The following B3GALT1 variants were observed in gnomAD, a reference collection of about 807,000 sequenced individuals.
The protein encoded by B3GALT1 is beta-1,3-galactosyltransferase 1, also known as UDP-Gal:betaGlcNAc beta 1,3-galactosyltransferase, polypeptide 1.
B3GALT1 carries 10 observed loss-of-function variants against 23.2 expected under a neutral mutation model. The observed-to-expected ratio is 0.43, with a 90% CI of 0.27 to 0.73. The LOEUF (loss-of-function observed/expected upper bound fraction) is 0.73, where lower values mean the gene tolerates loss of function less well. Ranked by LOEUF, B3GALT1 falls within the 30% of genes least tolerant of loss-of-function variation. B3GALT1 has a pLI of 0.21. For synonymous variants in B3GALT1, 156 were observed against 141.5 expected (o/e 1.10, Z -0.73); for missense variants, 299 against 405.4 (o/e 0.74, Z 2.25).
At chr2:167,306,886 T>G (rs1260886372) in intron 1 of B3GALT1, among the ~76,000 whole-genome samples, 1 of 152,012 alleles carries the variant, frequency 6.6e-6, no homozygotes, top group Admixed American at 6.6e-5. Context: ...CTAAGCCTCA[T>G]GGTTACTATT....
Position 167,565,693 on chromosome 2 carries a change from G to A in B3GALT1, c.-410+75416G>A, listed in dbSNP as rs537821129. 3.3e-4 allele frequency among the ~76,000 whole-genome samples: 50 copies of A among 152,244 alleles called. 2 individuals are homozygous for A. The South Asian group carries it at 6.4e-3, about 20-fold the overall frequency. On this transcript the variant is annotated intron_variant, in intron 2 of 4. Transcript: ENST00000392690. ...ACAACCCCATCAAAAAGTGGGCAAG[G>A]ATATGAAGACACTTCTCACAAGAAG...
In B3GALT1 at chr2:167,426,661, T is replaced by C. The variant is rs76119363; in HGVS notation, c.-510-63516T>C. Among the ~76,000 whole-genome samples the C allele has an allele frequency of 7.5e-4, 114 of 152,270 alleles. 1 individual carries two copies. In the East Asian group the frequency reaches 0.018, roughly 24 times the overall value. On this transcript the variant is annotated intron_variant, in intron 1 of 4. Coordinates refer to ENST00000392690, the MANE Select transcript of B3GALT1 (RefSeq NM_020981.4). ...GGAACATAGACAGTCCTAGTAATTATTAAATAAGTAGATGGATAAATAAAT... is the reference window on the plus strand; with the variant it reads ...GGAACATAGACAGTCCTAGTAATTACTAAATAAGTAGATGGATAAATAAAT...
chr2:167,464,400 ATTG>A (rs1699313846), intron 1 of B3GALT1, among the ~76,000 whole-genome samples: 1 of 152,320 alleles, frequency 6.6e-6, no homozygotes, highest in South Asian at 2.1e-4. Flanking sequence ...AGAAGTTAAA[ATTG>A]TTGTTTGCTA....
chr2:167,439,551 A>C (rs1698844577), intron 1 of B3GALT1, among the ~76,000 whole-genome samples: 1 of 149,580 alleles, frequency 6.7e-6, no homozygotes, highest in Non-Finnish European at 1.5e-5. Context: ...TCTCTTTTTT[A>C]TTTTATTTTA....
rs543143086 is a variant in B3GALT1, at chr2:167,567,032, C to T, written c.-410+76755C>T. On this transcript the variant is annotated intron_variant, in intron 2 of 4. Transcript: ENST00000392690. ...CACAGAGAATTACATTTTTAACAAG[C>T]TCTTTGGTAATTCATATAGACTTAG... Among the ~76,000 whole-genome samples, 6 of 152,266 alleles carry T rather than the reference C, an allele frequency of 3.9e-5. No homozygotes were observed. In the South Asian group the frequency reaches 1.0e-3, roughly 26 times the overall value.
At chr2:167,683,208 T>C (rs1308821670) in intron 3 of B3GALT1, among the ~76,000 whole-genome samples, 1 of 152,186 alleles carries the variant, frequency 6.6e-6, no homozygotes, top group Non-Finnish European at 1.5e-5. Context: ...TGTGTTAGTA[T>C]TATTAGGTAC....
intron 3 of B3GALT1, among the ~76,000 whole-genome samples, chr2:167,687,580 T>C (rs1686638231): frequency 6.6e-6 from 1 of 152,076 alleles, no homozygotes; most frequent in African/African-American, 2.4e-5. Flanking sequence ...AATAACATGA[T>C]CTAAATTCTA....
intron 4 of B3GALT1, among the ~76,000 whole-genome samples, chr2:167,858,221 AT>A (rs912012001): frequency 2.6e-5 from 4 of 151,212 alleles, no homozygotes; most frequent in Admixed American, 2.0e-4. Flanking sequence ...TATCCTCCCC[AT>A]TTTTTTTACA....
intron 4 of B3GALT1, among the ~76,000 whole-genome samples, chr2:167,851,590 C>G (rs1689892724): frequency 1.3e-5 from 2 of 152,332 alleles, no homozygotes; most frequent in South Asian, 4.1e-4. Context: ...CGTTTCTACC[C>G]ATTAGCACCT....
At chr2:167,795,885 G>A (rs1688538739) in intron 3 of B3GALT1, among the ~76,000 whole-genome samples, 1 of 152,196 alleles carries the variant, frequency 6.6e-6, no homozygotes, top group African/African-American at 2.4e-5. Context: ...AAAATGGAGG[G>A]TAATTGATTG....
intron 2 of B3GALT1, among the ~76,000 whole-genome samples, chr2:167,552,152 C>T (rs73026041): frequency 0.083 from 12,690 of 152,168 alleles, 1,014 homozygotes; most frequent in African/African-American, 0.21. Context: ...TAACTTTCCC[C>T]CTAACTAACT....
At chr2:167,595,515 TAC>T (rs1684760683) in intron 2 of B3GALT1, among the ~76,000 whole-genome samples, 1 of 71,630 alleles carries the variant, frequency 1.4e-5, no homozygotes, top group South Asian at 5.7e-4. Context: ...TCGGGGGACT[TAC>T]AAAAATAATC....
chr2:167,561,847 A>G (rs1307251670), intron 2 of B3GALT1, among the ~76,000 whole-genome samples: 2 of 152,222 alleles, frequency 1.3e-5, no homozygotes, highest in Non-Finnish European at 1.5e-5. Flanking sequence ...CCAGGACCAG[A>G]TGGATTCACA....
intron 3 of B3GALT1, among the ~76,000 whole-genome samples, chr2:167,786,258 A>G (rs1357910592): frequency 6.6e-6 from 1 of 152,168 alleles, no homozygotes; most frequent in Non-Finnish European, 1.5e-5. Flanking sequence ...AATCTCAGAA[A>G]CCTCGCCTGT....
At chr2:167,815,661 G>T (rs1688980859) in intron 3 of B3GALT1, among the ~76,000 whole-genome samples, 1 of 152,146 alleles carries the variant, frequency 6.6e-6, no homozygotes, top group South Asian at 2.1e-4. Context: ...AGAAAGAATG[G>T]ATTTCTCAGC....
At chr2:167,340,236 T>G (rs1697125212) in intron 1 of B3GALT1, among the ~76,000 whole-genome samples, 1 of 151,340 alleles carries the variant, frequency 6.6e-6, no homozygotes, top group African/African-American at 2.4e-5. Context: ...CTAGGTTCAC[T>G]TAAAAATCTG....
intron 1 of B3GALT1, among the ~76,000 whole-genome samples, chr2:167,305,298 C>G (rs1411878753): frequency 6.6e-6 from 1 of 152,148 alleles, no homozygotes; most frequent in African/African-American, 2.4e-5. Context: ...GGAGGACTGT[C>G]AAAGTTTACA....
intron 3 of B3GALT1, among the ~76,000 whole-genome samples, chr2:167,804,588 T>C (rs1574271053): frequency 6.6e-6 from 1 of 152,288 alleles, no homozygotes; most frequent in South Asian, 2.1e-4. Flanking sequence ...TTTGGTTTTT[T>C]GTCCTTGAGA....
At chr2:167,745,456 C>T (rs1687638753) in intron 3 of B3GALT1, among the ~76,000 whole-genome samples, 1 of 152,110 alleles carries the variant, frequency 6.6e-6, no homozygotes, top group African/African-American at 2.4e-5. Flanking sequence ...AAGTATATAA[C>T]TTCAGTATTT....
Sources: allele counts gnomAD v4.1 joint callset (sites outside exome capture counted in the v4.1 genomes callset), GRCh38; gene constraint gnomAD v4.1.1; transcripts MANE v1.5; gene names NCBI Gene and HGNC (gene_info 2026-07-23, HGNC 2026-07-21).